RFX3: variants seen among roughly 807,000 people sequenced by gnomAD.
The protein encoded by RFX3 is transcription factor RFX3.
A neutral mutation model predicts 98.6 loss-of-function variants in RFX3; 14 were observed. The ratio of observed to expected loss-of-function variants is 0.14; its 90% CI spans 0.09 to 0.22. The LOEUF (loss-of-function observed/expected upper bound fraction) is 0.22. Ranked by LOEUF, RFX3 falls within the 10% of genes least tolerant of loss-of-function variation. The pLI is 1.00. For missense variants in RFX3, 639 were observed against 926.9 expected (o/e 0.69, Z 4.03); for synonymous variants, 383 against 328.4 (o/e 1.17, Z -1.80).
chr9:3,299,038 C>T (rs1478794051), intron 5 of RFX3, among the ~76,000 whole-genome samples: 1 of 151,560 alleles, frequency 6.6e-6, no homozygotes, highest in Non-Finnish European at 1.5e-5. Flanking sequence ...CATCATAAAG[C>T]GGAATTCATG....
At chr9:3,457,352 A>G (rs1847285515) in intron 1 of RFX3, among the ~76,000 whole-genome samples, 2 of 152,058 alleles carry the variant, frequency 1.3e-5, no homozygotes, top group Admixed American at 1.3e-4. Context: ...CAAGTCATTT[A>G]ATCCTAGGAC....
chr9:3,486,800 C>T (rs958905276), intron 1 of RFX3, among the ~76,000 whole-genome samples: 2 of 152,112 alleles, frequency 1.3e-5, no homozygotes, highest in African/African-American at 2.4e-5. Flanking sequence ...CCTTATTAAA[C>T]GTTATCATGT....
intron 1 of RFX3, chr9:3,469,325 C>T (rs747324847): frequency 1.2e-5 from 3 of 259,764 alleles, no homozygotes; most frequent in Non-Finnish European, 2.4e-5. Context: ...ATTTTCTAGT[C>T]TAGTACCATT....
rs1382140529 is a variant in RFX3, at chr9:3,244,046, G to C, written c.1968+3986C>G. ...AGATGGAGTCCCGCTTTGTCGCCCAGGCTGGAGTGCAGTGGCGTGACCTTG... is the reference window on the plus strand; with the variant it reads ...AGATGGAGTCCCGCTTTGTCGCCCACGCTGGAGTGCAGTGGCGTGACCTTG... On this transcript the variant is annotated intron_variant, in intron 15 of 16. Coordinates refer to ENST00000617270, the MANE Select transcript of RFX3 (RefSeq NM_001282116.2). 2.0e-5 allele frequency among the ~76,000 whole-genome samples: 3 copies of C among 149,476 alleles called. No homozygotes were observed. In the East Asian group the frequency reaches 5.9e-4, roughly 29 times the overall value.
intron 14 of RFX3, among the ~76,000 whole-genome samples, chr9:3,253,445 G>A (rs777335773): frequency 2.0e-5 from 3 of 152,162 alleles, no homozygotes; most frequent in Non-Finnish European, 4.4e-5. Context: ...ATATCTGAAT[G>A]ACCTTCAGGG....
chr9:3,264,267 T>C (rs1823320270), intron 12 of RFX3, among the ~76,000 whole-genome samples: 1 of 152,196 alleles, frequency 6.6e-6, no homozygotes, highest in South Asian at 2.1e-4. Flanking sequence ...GTGCACAATA[T>C]AGATCTAATG....
intron 14 of RFX3, among the ~76,000 whole-genome samples, chr9:3,254,767 A>G (rs1057084861): frequency 1.3e-5 from 2 of 152,298 alleles, no homozygotes; most frequent in Non-Finnish European, 2.9e-5. Flanking sequence ...CTGTTGCTGC[A>G]TCTACCTTGA....
chr9:3,294,709 T>C (rs191124210), intron 5 of RFX3, among the ~76,000 whole-genome samples: 56 of 152,272 alleles, frequency 3.7e-4, no homozygotes, highest in Non-Finnish European at 7.5e-4. Context: ...CTACATGATG[T>C]TTATGTAATT....
chr9:3,491,747 C>A (rs1295402396), intron 1 of RFX3, among the ~76,000 whole-genome samples: 1 of 152,102 alleles, frequency 6.6e-6, no homozygotes, highest in African/African-American at 2.4e-5. Context: ...CTCAGGTATA[C>A]CAGTTTACTG....
chr9:3,525,109 G>A (rs1819124572), intron 1 of RFX3, among the ~76,000 whole-genome samples: 1 of 151,954 alleles, frequency 6.6e-6, no homozygotes, highest in Non-Finnish European at 1.5e-5. Context: ...GATGGTGAAA[G>A]AAGAGCAGCC....
chr9:3,252,981 CAATT>C (rs754274130), intron 14 of RFX3, among the ~76,000 whole-genome samples: 5 of 152,160 alleles, frequency 3.3e-5, no homozygotes, highest in Non-Finnish European at 5.9e-5. Flanking sequence ...TTAAATGACA[CAATT>C]AACAGTTTAA....
At chr9:3,343,439 A>T (rs1834115766) in intron 3 of RFX3, among the ~76,000 whole-genome samples, 1 of 152,190 alleles carries the variant, frequency 6.6e-6, no homozygotes, top group African/African-American at 2.4e-5. Context: ...AATATGGAAT[A>T]TTCTTTCCTA....
intron 1 of RFX3, among the ~76,000 whole-genome samples, chr9:3,475,607 A>G (rs1849174194): frequency 6.6e-6 from 1 of 152,248 alleles, no homozygotes; most frequent in South Asian, 2.1e-4. Context: ...TTATTTCTGC[A>G]TAATATTACA....
At chr9:3,343,920 T>C (rs557345873) in intron 3 of RFX3, among the ~76,000 whole-genome samples, 36 of 152,318 alleles carry the variant, frequency 2.4e-4, no homozygotes, top group Admixed American at 2.0e-4. Context: ...TAGTGGGCCA[T>C]AGAAAATACA....
At chr9:3,446,877 T>C (rs1051116148) in intron 1 of RFX3, among the ~76,000 whole-genome samples, 1 of 152,046 alleles carries the variant, frequency 6.6e-6, no homozygotes, top group Admixed American at 6.6e-5. Flanking sequence ...TAGAACTAAT[T>C]CTTTTTAAAA....
chr9:3,241,880 G>A (rs1193100250), intron 15 of RFX3, among the ~76,000 whole-genome samples: 1 of 152,102 alleles, frequency 6.6e-6, no homozygotes, highest in Non-Finnish European at 1.5e-5. Context: ...GGAAAAGATG[G>A]CAAGCGTATT....
chr9:3,321,225 T>G (rs1177585959), intron 4 of RFX3, among the ~76,000 whole-genome samples: 14 of 152,142 alleles, frequency 9.2e-5, no homozygotes. Flanking sequence ...CTATTACAAA[T>G]AAGTCTACAA....
intron 4 of RFX3, among the ~76,000 whole-genome samples, chr9:3,307,238 GAACT>G (rs1177926408): frequency 1.3e-5 from 2 of 152,044 alleles, no homozygotes; most frequent in Non-Finnish European, 2.9e-5. Context: ...GCATGAAAAT[GAACT>G]AATACAATTG....
chr9:3,332,963 A>C lies in RFX3; in HGVS notation c.216-2446T>G, dbSNP rs572601029. The stretch of plus-strand genomic sequence containing the variant: ...TTTGCCCTCTATGGCCACTCCTCAC[A>C]GGACTGTTATGTTTTATGTTCTGTA... On this transcript the variant is annotated intron_variant, in intron 3 of 16. Coordinates refer to ENST00000617270, the MANE Select transcript of RFX3 (RefSeq NM_001282116.2). Among the ~76,000 whole-genome samples the C allele has an allele frequency of 1.4e-4, 22 of 152,248 alleles. No individual in the cohort carries two copies. In the South Asian group the frequency reaches 4.6e-3, roughly 32 times the overall value.
Sources: allele counts gnomAD v4.1 joint callset (sites outside exome capture counted in the v4.1 genomes callset), GRCh38; gene constraint gnomAD v4.1.1; transcripts MANE v1.5; gene names NCBI Gene and HGNC (gene_info 2026-07-23, HGNC 2026-07-21).